CES1: variants seen among roughly 807,000 people sequenced by gnomAD.
CES1 encodes the protein carboxylesterase 1.
In CES1, 50 loss-of-function variants were observed where a neutral mutation model predicts 53.0. The observed-to-expected ratio is 0.94, with a 90% CI of 0.75 to 1.19. The LOEUF (loss-of-function observed/expected upper bound fraction) is 1.19, where lower values mean the gene tolerates loss of function less well. CES1 is among the 50% of genes most tolerant of loss of function. The pLI, the probability that CES1 is intolerant of heterozygous loss-of-function variation, is 0.00. For synonymous variants in CES1, 202 were observed against 210.1 expected (o/e 0.96, Z 0.33); for missense variants, 534 against 538.0 (o/e 0.99, Z 0.07).
chr16:55,821,781 C>A (rs1168017823), intron 4 of CES1, among the ~76,000 whole-genome samples: 5 of 152,124 alleles, frequency 3.3e-5, no homozygotes, highest in Admixed American at 2.6e-4. Flanking sequence ...GCAAAACAGG[C>A]AAAACCTGTG....
At chr16:55,819,923 G>A (rs1397429026) in intron 6 of CES1, 2 of 577,690 alleles carry the variant, frequency 3.5e-6, no homozygotes, top group East Asian at 5.8e-5. Context: ...AATGTGAGGT[G>A]GAGCTGGGAT....
Position 55,828,822 on chromosome 16 carries a change from G to C in CES1, c.205C>G (p.Pro69Ala). The C allele has an allele frequency of 6.2e-7, 1 of 1,614,308 alleles. No homozygotes were observed. The highest frequency in any genetic ancestry group is 1.1e-5 in the South Asian group (1 of 91,086). ...PPLGPLRFTP[P>A]QPAEPWSFVK... The stretch of plus-strand genomic sequence containing the variant: ...AAGCTCCATGGTTCTGCAGGCTGCG[G>C]TGGAGTAAACCTCAGGGGTCCAAGA... The change falls in exon 2 of 14, where the codon CCG becomes GCG. Residue 69 changes from proline to alanine, a missense_variant. By Grantham distance (27) the Pro-to-Ala change is conservative. Around this residue, in one of 5 missense-constraint regions of CES1, gnomAD observed 164 missense variants for 162.4 expected, o/e 1.01. Transcript: ENST00000360526.
chr16:55,820,695 C>T (rs1241375070), intron 5 of CES1, among the ~76,000 whole-genome samples: 2 of 152,114 alleles, frequency 1.3e-5, no homozygotes, highest in Non-Finnish European at 2.9e-5. Flanking sequence ...CCCAGTGTCT[C>T]CTGAACCCAA....
intron 4 of CES1, 47 bp from the exon 5 acceptor site, chr16:55,821,568 C>G (rs765214388): frequency 3.1e-5 from 49 of 1,600,288 alleles, no homozygotes; most frequent in Non-Finnish European, 3.9e-5. Context: ...AGATGTCATG[C>G]AGGACCTTCA....
intron 2 of CES1, 131 bp from the exon 3 acceptor site, chr16:55,826,426 G>A (rs1223492502): frequency 8.5e-7 from 1 of 1,172,484 alleles, no homozygotes; most frequent in Non-Finnish European, 1.3e-6. Context: ...CGACATTGTA[G>A]TGGGTAGGAG....
intron 2 of CES1, among the ~76,000 whole-genome samples, chr16:55,827,132 G>A (rs2032449638): frequency 6.6e-6 from 1 of 151,956 alleles, no homozygotes; most frequent in South Asian, 2.1e-4. Flanking sequence ...AGTCATCACC[G>A]CCCCCACTAG....
rs758192428 is a variant in CES1 at position 55,821,519 on chromosome 16, G to C, written c.542C>G (p.Thr181Arg). The C allele has an allele frequency of 6.2e-7, 1 of 1,614,202 alleles. No individual in the cohort carries two copies. The highest frequency in any genetic ancestry group is 8.5e-7 in the Non-Finnish European group (1 of 1,180,034). ...GTTCCCCCGGCTGTGTTCATCCCCT[G>C]TGCTGTGAGGAAGAGAACAGGTTGA... ...YRLGIWGFFS[T>R]GDEHSRGNWG... Residue 181 changes from threonine to arginine, a missense_variant and splice_region_variant, in exon 5 of 14, where the codon ACA becomes AGA. By Grantham distance (71) the Thr-to-Arg change is moderately conservative (BLOSUM62 -1). Around this residue, in one of 5 missense-constraint regions of CES1, gnomAD observed 85 missense variants for 81.9 expected, o/e 1.04. Coordinates refer to ENST00000360526, the MANE Select transcript of CES1 (RefSeq NM_001025195.2).
chr16:55,810,735 C>T (rs2031652859), intron 10 of CES1, 71 bp from the exon 11 acceptor site: 2 of 1,575,446 alleles, frequency 1.3e-6, no homozygotes, highest in African/African-American at 2.7e-5. Flanking sequence ...CCAGAAAGTC[C>T]TGCCTCAATG....
At chr16:55,822,503 G>A (rs2032239729) in intron 4 of CES1, among the ~76,000 whole-genome samples, 1 of 152,196 alleles carries the variant, frequency 6.6e-6, no homozygotes, top group South Asian at 2.1e-4. Context: ...CGTGGTGGGA[G>A]GAGAAGGGGG....
intron 8 of CES1, among the ~76,000 whole-genome samples, chr16:55,814,673 C>T (rs2031851960): frequency 6.6e-6 from 1 of 152,236 alleles, no homozygotes; most frequent in Non-Finnish European, 1.5e-5. Flanking sequence ...TTCCCAGTTC[C>T]ACGCCCCATG....
At position 55,812,763 on chromosome 16, in the gene CES1, G is replaced by A. The variant is rs549553509; in HGVS notation, c.1086+140C>T. The A allele has an allele frequency of 4.5e-4, 552 of 1,239,372 alleles. 2 individuals are homozygous for A. Among genetic ancestry groups the A allele is most frequent in the African/African-American group, 4.0e-3 (268 of 66,390 alleles). The allele number at this position is 1,239,372 out of a possible 1,614,324, so 76.8% of individuals were successfully genotyped here. On this transcript the variant is annotated intron_variant, in intron 9 of 13. Transcript: ENST00000360526. ...CTGTGCCCTCCTGGAGAAGATTTCCGTGGAAATGTTAACTCCTGCTGAAGG... is the reference window on the plus strand; with the variant it reads ...CTGTGCCCTCCTGGAGAAGATTTCCATGGAAATGTTAACTCCTGCTGAAGG...
intron 2 of CES1, 41 bp downstream of exon 2, chr16:55,828,726 C>T (rs761587285): frequency 6.2e-7 from 1 of 1,613,536 alleles, no homozygotes; most frequent in South Asian, 1.1e-5. Flanking sequence ...TCCTGCATCA[C>T]TTTGAGGTAA....
chr16:55,813,995 T>C (rs2031823060), intron 8 of CES1, among the ~76,000 whole-genome samples: 1 of 152,174 alleles, frequency 6.6e-6, no homozygotes, highest in Non-Finnish European at 1.5e-5. Context: ...GCCACCAGTA[T>C]TGATTTGGGG....
chr16:55,826,321 T>G (rs753663138), intron 2 of CES1, 26 bp from the exon 3 acceptor site: 5 of 1,613,880 alleles, frequency 3.1e-6, no homozygotes, highest in Non-Finnish European at 4.2e-6. Flanking sequence ...GAAGAACCCC[T>G]GAAGTTCAGC....
chr16:55,828,336 C>T (rs1314661984), intron 2 of CES1, among the ~76,000 whole-genome samples: 7 of 152,202 alleles, frequency 4.6e-5, no homozygotes, highest in South Asian at 2.1e-4. Flanking sequence ...CTCCTCTCCC[C>T]GACTATGTCA....
In CES1 at chr16:55,821,269, T is replaced by C. The variant is rs1320130500; in HGVS notation, c.693+99A>G. On this transcript the variant is annotated intron_variant, in intron 5 of 13. Coordinates refer to ENST00000360526, the MANE Select transcript of CES1 (RefSeq NM_001025195.2). ...TAGGGCCAGTCCTGAATTCAGGTATTGTAATCAGAGGTATCCATAGCTGGA... is the reference window on the plus strand; with the variant it reads ...TAGGGCCAGTCCTGAATTCAGGTATCGTAATCAGAGGTATCCATAGCTGGA... 84 of 1,476,326 alleles carry C rather than the reference T, an allele frequency of 5.7e-5. No homozygotes were observed. In the Middle Eastern group the frequency reaches 6.9e-4, roughly 12 times the overall value. The allele number at this position is 1,476,326 out of a possible 1,614,324, so 91.5% of individuals were successfully genotyped here.
At chr16:55,821,136 G>T (rs1207750154) in intron 5 of CES1, among the ~76,000 whole-genome samples, 1 of 152,124 alleles carries the variant, frequency 6.6e-6, no homozygotes, top group East Asian at 1.9e-4. Flanking sequence ...ATTGCAGGCT[G>T]CAACTGGAGA....
intron 1 of CES1, 25 bp downstream of exon 1, chr16:55,832,979 G>C (rs1345949019): frequency 6.8e-7 from 1 of 1,472,434 alleles, no homozygotes; most frequent in Admixed American, 1.9e-5. Context: ...AAAGTGCCCC[G>C]CATTTTGATT....
chr16:55,812,553 A>G, intron 9 of CES1: 1 of 369,344 alleles, frequency 2.7e-6, no homozygotes, highest in South Asian at 2.8e-5. Flanking sequence ...GAAGCCAGGA[A>G]GCCCCCGACT....
Sources: allele counts gnomAD v4.1 joint callset (sites outside exome capture counted in the v4.1 genomes callset), GRCh38; gene constraint gnomAD v4.1.1; regional missense constraint gnomAD v4.1.1; transcripts MANE v1.5; gene names NCBI Gene and HGNC (gene_info 2026-07-23, HGNC 2026-07-21).